Variants in STARD13 observed in about 807,000 individuals in gnomAD.
STARD13 encodes the protein stAR-related lipid transfer protein 13.
STARD13 carries 62 observed loss-of-function variants against 106.4 expected under a neutral mutation model. The observed-to-expected ratio is 0.58, with a 90% CI of 0.48 to 0.72. The LOEUF (loss-of-function observed/expected upper bound fraction) is 0.72, where lower values mean the gene tolerates loss of function less well. STARD13 is among the 30% of genes least tolerant of loss of function. The probability of loss-of-function intolerance (pLI) is 0.00; values close to 1 mark genes in which losing one functional copy is unlikely to be tolerated. For missense variants in STARD13, 1,387 were observed against 1,424.0 expected (o/e 0.97, Z 0.42); for synonymous variants, 565 against 553.0 (o/e 1.02, Z -0.31).
the STARD13 span, among the ~76,000 whole-genome samples, chr13:33,407,873 C>T: frequency 2.0e-5 from 3 of 152,236 alleles, no homozygotes; most frequent in Non-Finnish European, 4.4e-5. Context: ...GTCAATGCCC[C>T]TTCATGTTAC....
At position 33,285,613 on chromosome 13, in the gene STARD13, G is replaced by A; in HGVS notation, c.26C>T (p.Pro9Leu). MFSQVPRTPASGCYYLNSM... is the reference protein window; with the variant it reads MFSQVPRTLASGCYYLNSM... ...ATTTAGGTAGTAGCAGCCTGAGGCT[G>A]GGGTCCTGGGCACCTGACTGAACAT... Residue 9 changes from proline to leucine, a missense_variant, in exon 1 of 14, where the codon CCA becomes CTA. Physicochemically the swap from Pro to Leu is moderately conservative, Grantham distance 98 (BLOSUM62 -3). Coordinates refer to ENST00000336934, the MANE Select transcript of STARD13 (RefSeq NM_178006.4). 6.2e-7 allele frequency: 1 copy of A among 1,613,428 alleles called. No individual in the cohort carries two copies. The highest frequency in any genetic ancestry group is 8.5e-7 in the Non-Finnish European group (1 of 1,179,898).
rs191326394 is a variant in STARD13, at chr13:33,169,994, A to G, written c.170-2372T>C. Among the ~76,000 whole-genome samples, 945 of 152,288 alleles carry G rather than the reference A, an allele frequency of 6.2e-3. 11 individuals are homozygous for G. Among genetic ancestry groups the G allele is most frequent in the African/African-American group, 0.022 (904 of 41,566 alleles). On this transcript the variant is annotated intron_variant, in intron 1 of 13. Coordinates refer to ENST00000336934, the MANE Select transcript of STARD13 (RefSeq NM_178006.4). ...CATAGAGATTAGAAGGATGGTTACC[A>G]GAGGCTGAGGAGGGTAGTGGGGGCT...
chr13:33,565,540 C>T, the STARD13 span, among the ~76,000 whole-genome samples: 1 of 147,790 alleles, frequency 6.8e-6, no homozygotes, highest in Admixed American at 7.0e-5. Context: ...AAATAGAGGG[C>T]TACACTGGTA....
At chr13:33,117,077 T>C (rs1048647146) in intron 8 of STARD13, among the ~76,000 whole-genome samples, 1 of 152,152 alleles carries the variant, frequency 6.6e-6, no homozygotes, top group Admixed American at 6.5e-5. Context: ...AATGTTAACA[T>C]TGTCATATCT....
chr13:33,617,894 A>T, the STARD13 span, among the ~76,000 whole-genome samples: 1 of 152,222 alleles, frequency 6.6e-6, no homozygotes, highest in Admixed American at 6.5e-5. Flanking sequence ...AAGGAATTAA[A>T]GCATGATGTT....
chr13:33,143,443 T>A (rs1160538584), intron 3 of STARD13, among the ~76,000 whole-genome samples: 1 of 152,272 alleles, frequency 6.6e-6, no homozygotes, highest in Admixed American at 6.5e-5. Flanking sequence ...ACTCATGTTG[T>A]TGAGTATACC....
At chr13:33,119,079 G>A (rs902194256) in intron 7 of STARD13, among the ~76,000 whole-genome samples, 2 of 152,070 alleles carry the variant, frequency 1.3e-5, no homozygotes, top group African/African-American at 4.8e-5. Flanking sequence ...TAATGAGAAT[G>A]AGTGAGGCAG....
chr13:33,446,800 T>G, the STARD13 span, among the ~76,000 whole-genome samples: 1 of 152,208 alleles, frequency 6.6e-6, no homozygotes, highest in Non-Finnish European at 1.5e-5. Context: ...TAATAAACCA[T>G]AGCATTTTAA....
the STARD13 span, among the ~76,000 whole-genome samples, chr13:33,397,854 G>A: frequency 1.3e-5 from 2 of 152,246 alleles, no homozygotes; most frequent in South Asian, 4.2e-4. Context: ...CTCATAGACA[G>A]CATTCTCAAT....
At chr13:33,672,199 G>T in the STARD13 span, among the ~76,000 whole-genome samples, 2 of 152,288 alleles carry the variant, frequency 1.3e-5, no homozygotes, top group East Asian at 3.9e-4. Context: ...AAAAGAATGG[G>T]TTCATGTCCT....
chr13:33,671,981 C>A, the STARD13 span, among the ~76,000 whole-genome samples: 343 of 152,144 alleles, frequency 2.3e-3, 3 homozygotes, highest in African/African-American at 8.0e-3. Context: ...GATCTAGAAC[C>A]AGAAATACCA....
At chr13:33,413,034 C>A in the STARD13 span, among the ~76,000 whole-genome samples, 3 of 152,100 alleles carry the variant, frequency 2.0e-5, no homozygotes, top group African/African-American at 7.2e-5. Flanking sequence ...CAAACTGTGG[C>A]AAATTTAAAA....
Position 33,130,562 on chromosome 13 carries a change from CCTCT to C in STARD13, c.388-277_388-274del, listed in dbSNP as rs1434510618. ...AGAGGTTTTGAATGCCTCCTTCCTT[CCTCT>C]CTAAGAAGTTTTCCCTGACTGATTA... On this transcript the variant is annotated intron_variant, in intron 4 of 13. Transcript: ENST00000336934. This position sits in a 1 kb window ranked among gnomAD's most constrained non-coding sequence, Gnocchi z 4.1. 1.3e-5 allele frequency among the ~76,000 whole-genome samples: 2 copies of C among 152,182 alleles called. No homozygotes were observed. The highest frequency in any genetic ancestry group is 2.9e-5 in the Non-Finnish European group (2 of 68,038).
the STARD13 span, among the ~76,000 whole-genome samples, chr13:33,390,995 C>T: frequency 2.5e-4 from 38 of 152,220 alleles, no homozygotes; most frequent in East Asian, 5.4e-3. Context: ...AACAATTCAG[C>T]TGGTTGCTTC....
chr13:33,465,366 C>T, the STARD13 span, among the ~76,000 whole-genome samples: 2 of 152,052 alleles, frequency 1.3e-5, no homozygotes, highest in African/African-American at 4.8e-5. Context: ...CCACCACGCC[C>T]GGCTAATTGT....
chr13:33,118,128 G>A lies in STARD13; in HGVS notation c.2218C>T (p.Arg740Trp), dbSNP rs769306323. 30 of 1,614,040 alleles carry A rather than the reference G, an allele frequency of 1.9e-5. 1 individual carries two copies. The highest frequency in any genetic ancestry group is 1.8e-4 in the South Asian group (16 of 91,072). Residue 740 changes from arginine to tryptophan, a missense_variant, in exon 8 of 14, where the codon CGG (arginine) becomes TGG (tryptophan). By Grantham distance (101) the Arg-to-Trp change is moderately radical (BLOSUM62 -3). Transcript: ENST00000336934. The part of the protein sequence containing the change: ...DVADMVKQFF[R>W]DLPEPLFTNK... Reference sequence around the variant, plus strand: ...GTGAAAAGAGGCTCAGGGAGGTCCCGGAAGAACTGTTTCACCATATCCGCC... The same window carrying A: ...GTGAAAAGAGGCTCAGGGAGGTCCCAGAAGAACTGTTTCACCATATCCGCC...
the STARD13 span, among the ~76,000 whole-genome samples, chr13:33,601,651 A>G: frequency 6.6e-6 from 1 of 152,222 alleles, no homozygotes; most frequent in African/African-American, 2.4e-5. Context: ...AAAGTTACCC[A>G]GTTCCCAAAC....
chr13:33,581,091 A>G, the STARD13 span, among the ~76,000 whole-genome samples: 1 of 152,142 alleles, frequency 6.6e-6, no homozygotes, highest in African/African-American at 2.4e-5. Context: ...CTGGACAATT[A>G]ATTTTGAAAT....
chr13:33,467,859 A>G, the STARD13 span, among the ~76,000 whole-genome samples: 1 of 152,200 alleles, frequency 6.6e-6, no homozygotes, highest in Non-Finnish European at 1.5e-5. Context: ...ATTGCTGTTC[A>G]AGGGAAAGAA....
Sources: allele counts gnomAD v4.1 joint callset (sites outside exome capture counted in the v4.1 genomes callset), GRCh38; gene constraint gnomAD v4.1.1; non-coding constraint Gnocchi (gnomAD v3.1); transcripts MANE v1.5; gene names NCBI Gene and HGNC (gene_info 2026-07-23, HGNC 2026-07-21).